The following NLRC3 variants were observed in gnomAD, a reference collection of about 807,000 sequenced individuals.
NLRC3 encodes the protein NLR family CARD domain containing 3, also known as NLR family CARD domain-containing protein 3.
A neutral mutation model predicts 91.6 loss-of-function variants in NLRC3; 87 were observed. The ratio of observed to expected loss-of-function variants is 0.95; its 90% confidence interval spans 0.80 to 1.14. The LOEUF is 1.14. NLRC3 is among the 50% of genes most tolerant of loss of function. The pLI is 0.00. For missense variants in NLRC3, 1,577 were observed against 1,418.6 expected (o/e 1.11, Z -1.79); for synonymous variants, 694 against 625.3 (o/e 1.11, Z -1.64).
chr16:3,557,471 A>C (rs1221577086), intron 7 of NLRC3, 122 bp downstream of exon 7: 1 of 629,798 alleles, frequency 1.6e-6, no homozygotes, highest in Non-Finnish European at 2.9e-6. Flanking sequence ...AATCATGGGA[A>C]TCAGGGAAGA....
chr16:3,576,046 C>T (rs1007597294), intron 1 of NLRC3, among the ~76,000 whole-genome samples: 7 of 152,204 alleles, frequency 4.6e-5, no homozygotes, highest in Admixed American at 3.9e-4. Context: ...GCATGGACCC[C>T]TGGAGTCCAA....
chr16:3,548,724 C>T lies in NLRC3; in HGVS notation c.2633G>A (p.Gly878Asp), dbSNP rs1261695193. The change falls in exon 14 of 20, where the codon GGT (glycine) becomes GAT (aspartate). Residue 878 changes from glycine (G) to aspartate (D), a missense_variant. By Grantham distance (94) the Gly-to-Asp change is moderately conservative. Transcript: ENST00000359128. ...DLTANLLHDQ[G>D]ARAIAVAVRE... The stretch of plus-strand genomic sequence containing the variant: ...CACTGCCACTGCGATGGCCCGGGCA[C>T]CCTGGTCGTGGAGGAGGTTGGCTGT... 1.2e-6 allele frequency: 2 copies of T among 1,604,852 alleles called. No homozygotes were observed. The highest frequency in any genetic ancestry group is 2.3e-5 in the South Asian group (2 of 88,742).
rs373631024 is a variant in NLRC3 at position 3,548,198 on chromosome 16, T to C, written c.2708A>G (p.Gln903Arg). The C allele has an allele frequency of 8.4e-4, 1,339 of 1,594,254 alleles. 1 individual carries two copies. The highest frequency in any genetic ancestry group is 1.1e-3 in the Non-Finnish European group (1,250 of 1,170,480). ...TSLHLQWNFI[Q>R]AGAAQALGQA... ...TCCCAGGGCCTGGGCAGCGCCGGCC[T>C]GGATGAAGTTCCACTGCAGGCTGGG... The change falls in exon 15 of 20, where the codon CAG (glutamine) becomes CGG (arginine). Residue 903 changes from glutamine (Q) to arginine (R), a missense_variant. By Grantham distance (43) the Gln-to-Arg change is conservative. Transcript: ENST00000359128.
chr16:3,542,030 C>T, intron 19 of NLRC3, 115 bp from the exon 20 acceptor site: 1 of 806,400 alleles, frequency 1.2e-6, no homozygotes, highest in Non-Finnish European at 2.1e-6. Flanking sequence ...CTAGGATCCC[C>T]TCGCTACATG....
chr16:3,560,439 C>A (rs1284786490), intron 6 of NLRC3, among the ~76,000 whole-genome samples: 3 of 150,962 alleles, frequency 2.0e-5, no homozygotes, highest in African/African-American at 4.9e-5. Context: ...AAAAAAAAAA[C>A]AAAATTAGCC....
At chr16:3,555,663 G>A (rs142731822) in intron 8 of NLRC3, 2,497 of 152,022 alleles carry the variant, frequency 0.016, 76 homozygotes, top group African/African-American at 0.053. Context: ...TCCGCCTCCC[G>A]GGCTCAACTC....
intron 15 of NLRC3, 98 bp from the exon 16 acceptor site, chr16:3,544,427 C>T (rs577003168): frequency 2.5e-6 from 2 of 795,788 alleles, no homozygotes; most frequent in Admixed American, 2.0e-5. Flanking sequence ...ACCGACTACA[C>T]ACACCATAGA....
intron 7 of NLRC3, 78 bp from the exon 8 acceptor site, chr16:3,557,072 T>C (rs2039376919): frequency 1.0e-6 from 1 of 959,500 alleles, no homozygotes; most frequent in South Asian, 1.4e-5. Flanking sequence ...GCATTGACCT[T>C]GAAATTCGTG....
chr16:3,567,771 C>CACA (rs2039940645), intron 1 of NLRC3, among the ~76,000 whole-genome samples: 1 of 38,544 alleles, frequency 2.6e-5, no homozygotes, highest in Admixed American at 3.9e-4. Flanking sequence ...GACTCCATCT[C>CACA]AAAAAAAAAA....
chr16:3,539,309 TCCTA>T lies in NLRC3; in HGVS notation c.*2512_*2515del, dbSNP rs1351394936. On this transcript the variant is annotated 3_prime_UTR_variant, in exon 20 of 20. Transcript: ENST00000359128. ...TTGGAAGGGAGCTAAAGGGTCTACCTCCTACCTAGAAGTCCTTTCTATGTGGATA... is the reference window on the plus strand; with the variant it reads ...TTGGAAGGGAGCTAAAGGGTCTACCTCCTAGAAGTCCTTTCTATGTGGATA... 2 of 152,202 alleles carry T rather than the reference TCCTA, an allele frequency of 1.3e-5. No individual in the cohort carries two copies. Among genetic ancestry groups the T allele is most frequent in the Admixed American group, 6.5e-5 (1 of 15,282 alleles). The allele number at this position is 152,202 out of a possible 1,614,324, so 9.4% of individuals were successfully genotyped here.
At chr16:3,546,459 A>C (rs919348637) in intron 15 of NLRC3, among the ~76,000 whole-genome samples, 3 of 151,760 alleles carry the variant, frequency 2.0e-5, no homozygotes, top group Admixed American at 6.6e-5. Flanking sequence ...CGGGAGGCTA[A>C]GGCAGGAGAA....
chr16:3,573,122 A>G (rs1291206400), intron 1 of NLRC3, among the ~76,000 whole-genome samples: 2 of 151,698 alleles, frequency 1.3e-5, no homozygotes, highest in African/African-American at 4.8e-5. Context: ...AAAAACATCA[A>G]AAGGAGGGAT....
chr16:3,565,459 TG>T, intron 2 of NLRC3, 79 bp from the exon 3 acceptor site: 1 of 88,132 alleles, frequency 1.1e-5, no homozygotes, highest in Non-Finnish European at 2.1e-5. Flanking sequence ...TTGGAACATG[TG>T]GGAAAAAGCA....
chr16:3,564,263 C>T lies in NLRC3; in HGVS notation c.674G>A (p.Arg225Lys). 2.5e-6 allele frequency: 4 copies of T among 1,612,412 alleles called. No homozygotes were observed. The highest frequency in any genetic ancestry group is 2.5e-6 in the Non-Finnish European group (3 of 1,179,634). ...LLILDGLDEC[R>K]TPLDFSNTVA... Reference sequence around the variant, plus strand: ...GGTGTTGGAGAAGTCCAGAGGCGTCCTGCACTCATCCAAGCCGTCCAGGAT... The same window carrying T: ...GGTGTTGGAGAAGTCCAGAGGCGTCTTGCACTCATCCAAGCCGTCCAGGAT... The change falls in exon 5 of 20, where the codon AGG becomes AAG. Residue 225 changes from arginine (R) to lysine (K), a missense_variant. Physicochemically the swap from Arg to Lys is conservative, Grantham distance 26. Transcript: ENST00000359128. This position sits in a 1 kb window ranked among gnomAD's most constrained non-coding sequence, Gnocchi z 5.9.
chr16:3,576,261 C>T (rs2040287556), intron 1 of NLRC3, among the ~76,000 whole-genome samples: 1 of 152,222 alleles, frequency 6.6e-6, no homozygotes, highest in Non-Finnish European at 1.5e-5. Context: ...GGCAGTGGCA[C>T]TTCTTCCGAG....
intron 1 of NLRC3, among the ~76,000 whole-genome samples, chr16:3,567,656 C>G (rs1276560916): frequency 2.7e-5 from 4 of 148,946 alleles, no homozygotes; most frequent in Non-Finnish European, 5.9e-5. Context: ...CCTGTAATCC[C>G]AGGTACTCGA....
chr16:3,563,653 A>T lies in NLRC3; in HGVS notation c.1284T>A (p.Ala428=). 6.2e-7 allele frequency: 1 copy of T among 1,613,400 alleles called. No homozygotes were observed. The highest frequency in any genetic ancestry group is 8.5e-7 in the Non-Finnish European group (1 of 1,179,786). The part of the protein sequence containing the change: ...QDMKAFGVDL[A]LLQGAPCSCF... ...AGCTGCACGGGGCGCCCTGCAGCAGAGCGAGGTCTACACCAAACGCCTTCA... is the reference window on the plus strand; with the variant it reads ...AGCTGCACGGGGCGCCCTGCAGCAGTGCGAGGTCTACACCAAACGCCTTCA... The change falls in exon 5 of 20, where the codon GCT becomes GCA. Residue 428 remains alanine, a synonymous_variant. Transcript: ENST00000359128.
chr16:3,542,077 C>A, intron 19 of NLRC3, 114 bp downstream of exon 19: 1 of 851,928 alleles, frequency 1.2e-6, no homozygotes, highest in Non-Finnish European at 1.9e-6. Context: ...GACCAGGTTT[C>A]CCTATAGGCC....
intron 10 of NLRC3, 35 bp from the exon 11 acceptor site, chr16:3,550,532 G>A: frequency 6.7e-7 from 1 of 1,503,274 alleles, no homozygotes. Flanking sequence ...GCCAGCCTCT[G>A]GGAGCTGCCA....
Sources: allele counts gnomAD v4.1 joint callset (sites outside exome capture counted in the v4.1 genomes callset), GRCh38; gene constraint gnomAD v4.1.1; non-coding constraint Gnocchi (gnomAD v3.1); transcripts MANE v1.5; gene names NCBI Gene and HGNC (gene_info 2026-07-23, HGNC 2026-07-21).